The following NCAM1 variants were observed in gnomAD, a reference collection of about 807,000 sequenced individuals.
The protein encoded by NCAM1 is neural cell adhesion molecule 1.
NCAM1 carries 14 observed loss-of-function variants against 109.8 expected under a neutral mutation model. That is an observed-to-expected ratio of 0.13 (90% CI 0.08 to 0.20). The LOEUF is 0.20. NCAM1 is among the 10% of genes least tolerant of loss of function. The probability of loss-of-function intolerance (pLI) is 1.00; values close to 1 mark genes in which losing one functional copy is unlikely to be tolerated. For synonymous variants in NCAM1, 418 were observed against 442.9 expected, an observed-to-expected ratio of 0.94 and a Z score of 0.70; for missense variants, 774 against 1,109.9, an observed-to-expected ratio of 0.70 and a Z score of 4.30.
At chr11:113,122,772 G>T (rs1043285856) in intron 1 of NCAM1, among the ~76,000 whole-genome samples, 3 of 152,074 alleles carry the variant, frequency 2.0e-5, no homozygotes, top group Non-Finnish European at 4.4e-5. Flanking sequence ...CAACAAGAGC[G>T]AAACTCCGTC....
intron 1 of NCAM1, among the ~76,000 whole-genome samples, chr11:113,062,812 T>G (rs1356557676): frequency 6.6e-6 from 1 of 151,826 alleles, no homozygotes; most frequent in Non-Finnish European, 1.5e-5. Context: ...CCAAAAAAAA[T>G]TAAAAATTAG....
chr11:113,072,493 A>AG (rs1448421835), intron 1 of NCAM1, among the ~76,000 whole-genome samples: 2 of 149,122 alleles, frequency 1.3e-5, no homozygotes, highest in Non-Finnish European at 2.9e-5. Flanking sequence ...CTAGAGAGAG[A>AG]AAAAAAAAGC....
Position 113,277,267 on chromosome 11 carries a change from C to T in NCAM1, c.*1880C>T, listed in dbSNP as rs916160823. ...GACACTTCTGCAGTCTGATCAGTGG[C>T]GATGCTAGATTATAATTTCAAACTG... On this transcript the variant is annotated 3_prime_UTR_variant, in exon 20 of 20. Transcript: ENST00000316851. The T allele has an allele frequency of 4.0e-5, 16 of 398,740 alleles. No homozygotes were observed. Among genetic ancestry groups the T allele is most frequent in the South Asian group, 2.6e-4 (2 of 7,792 alleles). 24.7% of individuals were successfully genotyped at this position (398,740 alleles called of 1,614,324 possible). A position where few individuals can be genotyped will look rare whatever the true frequency, so the allele number is the denominator to read the frequency against.
chr11:113,092,717 A>G (rs17114801), intron 1 of NCAM1, among the ~76,000 whole-genome samples: 13,168 of 152,226 alleles, frequency 0.087, 747 homozygotes, highest in East Asian at 0.12. Flanking sequence ...TCAAGATTGT[A>G]TGGACTAGGT....
chr11:112,961,604 C>A lies in NCAM1; in HGVS notation c.-9C>A, dbSNP rs543798793. ...CGGCAAGAACATCCCTCCCAGCCAG[C>A]AGATTACAATGCTGCAAACTAAGGA... On this transcript the variant is annotated 5_prime_UTR_variant, in exon 1 of 20. Coordinates refer to ENST00000316851, the MANE Select transcript of NCAM1 (RefSeq NM_181351.5). 1.0e-3 allele frequency: 1,486 copies of A among 1,475,294 alleles called. 20 individuals carry two copies. The South Asian group carries it at 0.013, about 13-fold the overall frequency. The allele number at this position is 1,475,294 out of a possible 1,614,324, so 91.4% of individuals were successfully genotyped here.
At chr11:113,185,046 G>T (rs533090918) in intron 1 of NCAM1, among the ~76,000 whole-genome samples, 1 of 130,306 alleles carries the variant, frequency 7.7e-6, no homozygotes, top group African/African-American at 3.0e-5. Context: ...TTATATATAT[G>T]TGTATGTGTG....
At position 113,273,489 on chromosome 11, in the gene NCAM1, G is replaced by A. The variant is rs979759056; in HGVS notation, c.2456+1613G>A. The A allele has an allele frequency of 5.0e-5, 17 of 338,162 alleles. No homozygotes were observed. Among genetic ancestry groups the A allele is most frequent in the East Asian group, 1.7e-4 (2 of 12,054 alleles). 20.9% of individuals were successfully genotyped at this position (338,162 alleles called of 1,614,324 possible). ...CCCGGAGCCCACCCAGCCCGGAGCC[G>A]CGAAGAGCCCGGCCGAGGCAGCCAC... On this transcript the variant is annotated intron_variant, in intron 19 of 19. Coordinates refer to ENST00000316851, the MANE Select transcript of NCAM1 (RefSeq NM_181351.5). The surrounding 1 kb of genome is among the most constrained non-coding windows in gnomAD (Gnocchi z 6.0).
At chr11:113,257,226 G>T (rs1555122502) in intron 16 of NCAM1, among the ~76,000 whole-genome samples, 1 of 152,238 alleles carries the variant, frequency 6.6e-6, no homozygotes, top group African/African-American at 2.4e-5. Flanking sequence ...ACCCCTGGAA[G>T]CAGAGATGTG....
At chr11:113,040,450 G>C (rs1432591049) in intron 1 of NCAM1, among the ~76,000 whole-genome samples, 1 of 152,166 alleles carries the variant, frequency 6.6e-6, no homozygotes, top group East Asian at 1.9e-4. Flanking sequence ...TAAATATTTA[G>C]GTTTTATGGG....
chr11:113,147,159 C>T (rs1049782400), intron 1 of NCAM1, among the ~76,000 whole-genome samples: 1 of 152,176 alleles, frequency 6.6e-6, no homozygotes, highest in Non-Finnish European at 1.5e-5. Flanking sequence ...AGCTGCAATT[C>T]GGTTTATCTG....
chr11:113,067,426 G>A (rs1452694932), intron 1 of NCAM1, among the ~76,000 whole-genome samples: 1 of 152,128 alleles, frequency 6.6e-6, no homozygotes, highest in Non-Finnish European at 1.5e-5. Flanking sequence ...GAAAACCATG[G>A]CACCAATTAA....
chr11:112,974,780 A>T (rs541487705), intron 1 of NCAM1, among the ~76,000 whole-genome samples: 1 of 151,656 alleles, frequency 6.6e-6, no homozygotes, highest in South Asian at 2.1e-4. Flanking sequence ...GAGAAGAGAC[A>T]TATGGCTGCC....
chr11:113,218,138 G>A (rs1488918724), intron 8 of NCAM1, among the ~76,000 whole-genome samples: 1 of 152,246 alleles, frequency 6.6e-6, no homozygotes, highest in Admixed American at 6.5e-5. Context: ...CAGTCCAGTA[G>A]CCTTCCCAAT....
chr11:113,048,837 A>G (rs1555081290), intron 1 of NCAM1, among the ~76,000 whole-genome samples: 1 of 152,184 alleles, frequency 6.6e-6, no homozygotes, highest in Non-Finnish European at 1.5e-5. Context: ...GTCTGAGGGA[A>G]AGGGATAGTA....
At chr11:113,154,589 C>T (rs1017408982) in intron 1 of NCAM1, among the ~76,000 whole-genome samples, 4 of 152,238 alleles carry the variant, frequency 2.6e-5, no homozygotes, top group Admixed American at 2.0e-4. Flanking sequence ...AGCATGGATA[C>T]ACACATATCC....
At chr11:113,128,332 T>G (rs1941257975) in intron 1 of NCAM1, among the ~76,000 whole-genome samples, 1 of 152,190 alleles carries the variant, frequency 6.6e-6, no homozygotes, top group Admixed American at 6.5e-5. Flanking sequence ...GCCTCTGTTC[T>G]TATGTGAAAG....
intron 14 of NCAM1, among the ~76,000 whole-genome samples, chr11:113,235,693 C>A (rs1326350824): frequency 1.3e-5 from 2 of 152,230 alleles, no homozygotes; most frequent in Non-Finnish European, 2.9e-5. Flanking sequence ...GTAGCCCTGG[C>A]CTTGGCCTTT....
At chr11:113,264,674 A>T (rs1303513720) in intron 17 of NCAM1, 2 of 985,390 alleles carry the variant, frequency 2.0e-6, no homozygotes, top group Non-Finnish European at 2.4e-6. Flanking sequence ...GGAGAGGGGC[A>T]GTGTCCATCT....
intron 1 of NCAM1, among the ~76,000 whole-genome samples, chr11:113,180,670 A>T (rs1427846357): frequency 6.6e-6 from 1 of 152,252 alleles, no homozygotes; most frequent in Non-Finnish European, 1.5e-5. Context: ...TACTTAGAGT[A>T]GAAAAAGTAG....
Sources: gnomAD v4.1 joint callset for allele counts (sites outside exome capture counted in the v4.1 genomes callset) on GRCh38, gnomAD v4.1.1 for gene constraint, Gnocchi (gnomAD v3.1) non-coding constraint, MANE v1.5 for transcripts, NCBI Gene and HGNC (gene_info 2026-07-23, HGNC 2026-07-21) for gene names.